Variants in NPAS3 observed in about 807,000 individuals in gnomAD.
NPAS3 encodes neuronal PAS domain protein 3, also known as neuronal PAS domain-containing protein 3.
NPAS3 carries 14 observed loss-of-function variants against 73.1 expected under a neutral mutation model. The observed-to-expected ratio is 0.19, with a 90% CI of 0.13 to 0.30. The LOEUF is 0.30. Ranked by LOEUF, NPAS3 falls within the 10% of genes least tolerant of loss-of-function variation. The pLI is 1.00. For missense variants in NPAS3, 1,096 were observed against 1,250.0 expected (o/e 0.88, Z 1.86); for synonymous variants, 620 against 541.5 (o/e 1.14, Z -2.01).
At chr14:33,746,917 C>T (rs1195712070) in intron 7 of NPAS3, among the ~76,000 whole-genome samples, 12 of 148,660 alleles carry the variant, frequency 8.1e-5, no homozygotes, top group African/African-American at 3.1e-4. Context: ...ACCACAGTCC[C>T]CAGAGTGTGA....
Position 33,800,075 on chromosome 14 carries a change from G to T in NPAS3, c.1768G>T (p.Gly590Cys). ...GGACTCGGACAGCGCAGGCGAGGCG[G>T]GCGCGCAGGCCTCCAGCAAGCACCA... The change falls in exon 12 of 12, where the codon GGC (glycine) becomes TGC (cysteine). Residue 590 changes from glycine (G) to cysteine (C), a missense_variant. Gly to Cys is a radical substitution (Grantham distance 159, BLOSUM62 -3). This residue lies in a region of NPAS3 where 698 missense variants were observed against 676.7 expected (regional missense o/e 1.03). Transcript: ENST00000356141. This position sits in a 1 kb window ranked among gnomAD's most constrained non-coding sequence, Gnocchi z 6.5. 2 of 1,598,140 alleles carry T rather than the reference G, an allele frequency of 1.3e-6. No homozygotes were observed. Among genetic ancestry groups the T allele is most frequent in the East Asian group, 2.2e-5 (1 of 44,472 alleles).
At chr14:33,054,629 T>C (rs1375913984) in intron 1 of NPAS3, among the ~76,000 whole-genome samples, 1 of 126,474 alleles carries the variant, frequency 7.9e-6, no homozygotes, top group Non-Finnish European at 1.7e-5. Flanking sequence ...TTTTTTTTTT[T>C]TGAGACGGTG....
chr14:33,385,541 C>T (rs970061433), intron 4 of NPAS3, among the ~76,000 whole-genome samples: 2 of 152,034 alleles, frequency 1.3e-5, no homozygotes, highest in Non-Finnish European at 1.5e-5. Flanking sequence ...ACTGACAAAA[C>T]AGGTAAGTTC....
intron 3 of NPAS3, among the ~76,000 whole-genome samples, chr14:33,237,877 A>G (rs1209817200): frequency 6.6e-6 from 1 of 151,694 alleles, no homozygotes; most frequent in African/African-American, 2.4e-5. Context: ...TGCTATAATT[A>G]TAACATTAAA....
chr14:33,346,712 G>T (rs750220100), intron 3 of NPAS3, among the ~76,000 whole-genome samples: 1 of 152,044 alleles, frequency 6.6e-6, no homozygotes, highest in African/African-American at 2.4e-5. Flanking sequence ...AGGTGAGTCC[G>T]CAAAGCCTGT....
intron 5 of NPAS3, among the ~76,000 whole-genome samples, chr14:33,570,340 A>G (rs115238208): frequency 6.6e-6 from 1 of 152,292 alleles, no homozygotes; most frequent in African/African-American, 2.4e-5. Flanking sequence ...TGTTCAGTCT[A>G]GTTGTCCAGG....
intron 3 of NPAS3, among the ~76,000 whole-genome samples, chr14:33,245,688 C>G (rs1456452441): frequency 6.6e-6 from 1 of 152,098 alleles, no homozygotes; most frequent in African/African-American, 2.4e-5. Flanking sequence ...AAGTTCCAAA[C>G]CAGATTTAAC....
chr14:33,362,054 C>T lies in NPAS3; in HGVS notation c.386-5132C>T, dbSNP rs73258875. 6.9e-3 allele frequency among the ~76,000 whole-genome samples: 1,050 copies of T among 152,028 alleles called. 11 individuals are homozygous for T. Among genetic ancestry groups the T allele is most frequent in the African/African-American group, 0.024 (977 of 41,446 alleles). On this transcript the variant is annotated intron_variant, in intron 3 of 11. Transcript: ENST00000356141. ...CATATATATGAAAACAATAACAGTG[C>T]GTCATGTATGTATATATACATATTG...
intron 4 of NPAS3, among the ~76,000 whole-genome samples, chr14:33,539,333 T>C (rs1471237727): frequency 2.6e-5 from 4 of 152,058 alleles, no homozygotes; most frequent in Non-Finnish European, 4.4e-5. Flanking sequence ...GAACATGAAC[T>C]CTTAAGAGGG....
intron 4 of NPAS3, among the ~76,000 whole-genome samples, chr14:33,402,142 A>G (rs948182740): frequency 7.2e-5 from 11 of 152,006 alleles, no homozygotes; most frequent in Non-Finnish European, 1.5e-4. Context: ...GGTCTGATTT[A>G]CATATCTCAT....
At chr14:33,259,771 A>G (rs1326150014) in intron 3 of NPAS3, among the ~76,000 whole-genome samples, 2 of 152,324 alleles carry the variant, frequency 1.3e-5, no homozygotes, top group East Asian at 3.9e-4. Flanking sequence ...TGAAAATGCC[A>G]TCTTTAGAAT....
At chr14:33,588,633 A>T (rs368604089) in intron 5 of NPAS3, among the ~76,000 whole-genome samples, 64 of 152,270 alleles carry the variant, frequency 4.2e-4, no homozygotes, top group African/African-American at 1.5e-3. Flanking sequence ...GTTGCTGCTG[A>T]GATGGAGTCT....
intron 4 of NPAS3, among the ~76,000 whole-genome samples, chr14:33,482,108 T>C (rs1487619741): frequency 1.3e-5 from 2 of 151,624 alleles, no homozygotes; most frequent in Admixed American, 6.6e-5. Flanking sequence ...ATGATAGTTG[T>C]AAATTATTCC....
chr14:32,952,520 G>T (rs757374432), intron 1 of NPAS3, among the ~76,000 whole-genome samples: 2 of 151,726 alleles, frequency 1.3e-5, no homozygotes, highest in African/African-American at 4.8e-5. Flanking sequence ...CCCATACCAC[G>T]CATATAGATA....
At chr14:33,096,769 C>G (rs1025561441) in intron 2 of NPAS3, among the ~76,000 whole-genome samples, 1 of 152,176 alleles carries the variant, frequency 6.6e-6, no homozygotes, top group Admixed American at 6.5e-5. Context: ...GCAGAATGTT[C>G]CAGTAACCTT....
intron 4 of NPAS3, among the ~76,000 whole-genome samples, chr14:33,449,203 T>TG (rs34434097): frequency 0.074 from 11,327 of 152,188 alleles, 559 homozygotes; most frequent in African/African-American, 0.15. Flanking sequence ...TTAGGATGAC[T>TG]GAGTATGTTG....
intron 2 of NPAS3, among the ~76,000 whole-genome samples, chr14:33,170,052 G>A (rs1478826692): frequency 6.6e-6 from 1 of 152,066 alleles, no homozygotes; most frequent in African/African-American, 2.4e-5. Context: ...CTGGGCAGAG[G>A]GGGTGTACAT....
chr14:33,407,061 C>G (rs2047698967), intron 4 of NPAS3, among the ~76,000 whole-genome samples: 1 of 152,160 alleles, frequency 6.6e-6, no homozygotes, highest in Non-Finnish European at 1.5e-5. Flanking sequence ...TTTGTGTAAA[C>G]TTGGCTCAAG....
chr14:33,535,049 A>C, intron 4 of NPAS3, among the ~76,000 whole-genome samples: 1 of 152,234 alleles, frequency 6.6e-6, no homozygotes, highest in East Asian at 1.9e-4. Flanking sequence ...TTTGAAAAGA[A>C]CTAAAAGTCA....
Sources: allele counts gnomAD v4.1 joint callset (sites outside exome capture counted in the v4.1 genomes callset), GRCh38; gene constraint gnomAD v4.1.1; regional missense constraint gnomAD v4.1.1; non-coding constraint Gnocchi (gnomAD v3.1); transcripts MANE v1.5; gene names NCBI Gene and HGNC (gene_info 2026-07-23, HGNC 2026-07-21).